TTC23: variants seen among roughly 807,000 people sequenced by gnomAD.
TTC23 encodes the protein tetratricopeptide repeat protein 23.
In TTC23, 58 loss-of-function variants were observed where a neutral mutation model predicts 55.1. The observed-to-expected ratio is 1.05, with a 90% CI of 0.85 to 1.31. TTC23 has a LOEUF of 1.31. TTC23 is among the 50% of genes most tolerant of loss of function. The pLI is 0.00. For missense variants in TTC23, 516 were observed against 534.4 expected, an observed-to-expected ratio of 0.97 and a Z score of 0.34; for synonymous variants, 203 against 199.9, an observed-to-expected ratio of 1.02 and a Z score of -0.13.
chr15:99,177,012 G>C (rs978868564), intron 9 of TTC23, among the ~76,000 whole-genome samples: 1 of 152,184 alleles, frequency 6.6e-6, no homozygotes, highest in Non-Finnish European at 1.5e-5. Flanking sequence ...TGGCACAGGA[G>C]ATCAAGTCAT....
chr15:99,182,839 A>C (rs2074283709), intron 9 of TTC23, among the ~76,000 whole-genome samples: 1 of 151,740 alleles, frequency 6.6e-6, no homozygotes, highest in Non-Finnish European at 1.5e-5. Flanking sequence ...AAAAAAAAAA[A>C]CCAGTAATCT....
intron 9 of TTC23, among the ~76,000 whole-genome samples, chr15:99,189,725 AGACT>A (rs2075062751): frequency 1.3e-5 from 2 of 152,370 alleles, no homozygotes; most frequent in Middle Eastern, 3.4e-3. Context: ...CATAAGAGAC[AGACT>A]GAGTGAGAAA....
chr15:99,231,997 G>T (rs1596967370), intron 4 of TTC23, among the ~76,000 whole-genome samples: 1 of 149,502 alleles, frequency 6.7e-6, no homozygotes, highest in South Asian at 2.1e-4. Flanking sequence ...TCTCCATGTT[G>T]GTCAGGCTGC....
intron 8 of TTC23, 119 bp downstream of exon 8, chr15:99,218,469 T>C: frequency 7.7e-7 from 1 of 1,303,264 alleles, no homozygotes; most frequent in Non-Finnish European, 1.1e-6. Context: ...TTTTACACAG[T>C]GACCTCCAGA....
At chr15:99,225,033 ATCATGGAATCCAG>A (rs1002503229) in intron 5 of TTC23, among the ~76,000 whole-genome samples, 2 of 152,208 alleles carry the variant, frequency 1.3e-5, no homozygotes, top group Admixed American at 1.3e-4. Context: ...TGATGACAAC[ATCATGGAATCCAG>A]ACAGACAAAA....
intron 9 of TTC23, among the ~76,000 whole-genome samples, chr15:99,183,772 A>G (rs1352196154): frequency 6.6e-6 from 1 of 152,176 alleles, no homozygotes; most frequent in African/African-American, 2.4e-5. Flanking sequence ...TGTCTGCAGA[A>G]ATTTGCATAA....
intron 9 of TTC23, among the ~76,000 whole-genome samples, chr15:99,182,246 TCTCACACACACACACACACA>T (rs1286699034): frequency 8.9e-6 from 1 of 112,724 alleles, no homozygotes; most frequent in African/African-American, 3.3e-5. Context: ...TCTCTCTCTC[TCTCACACACACACACACACA>T]CACACACACA....
intron 9 of TTC23, among the ~76,000 whole-genome samples, chr15:99,187,469 C>CAAAAAAAAAAAAAAAAAAAAAAAAAAAA (rs1451783999): frequency 9.0e-6 from 1 of 110,646 alleles, no homozygotes; most frequent in African/African-American, 3.5e-5. Flanking sequence ...AAAAAAAAAA[C>CAAAAAAAAAAAAAAAAAAAAAAAAAAAA]AAAACAAAAG....
intron 12 of TTC23, among the ~76,000 whole-genome samples, chr15:99,149,814 C>T (rs11247064): frequency 0.047 from 7,126 of 152,304 alleles, 257 homozygotes; most frequent in Non-Finnish European, 0.072. Flanking sequence ...AGTGAGTGTA[C>T]GGTGGGGCAC....
chr15:99,186,238 A>C (rs2074649121), intron 9 of TTC23, among the ~76,000 whole-genome samples: 1 of 152,216 alleles, frequency 6.6e-6, no homozygotes, highest in Non-Finnish European at 1.5e-5. Context: ...AGTGCATGGA[A>C]TATTTTGTAG....
chr15:99,190,020 A>T (rs1460008300), intron 9 of TTC23, among the ~76,000 whole-genome samples: 1 of 152,020 alleles, frequency 6.6e-6, no homozygotes, highest in Non-Finnish European at 1.5e-5. Flanking sequence ...CTACAAAAAA[A>T]ATATACAAAA....
intron 1 of TTC23, among the ~76,000 whole-genome samples, chr15:99,248,610 T>C (rs1209976666): frequency 6.6e-6 from 1 of 152,230 alleles, no homozygotes; most frequent in Non-Finnish European, 1.5e-5. Context: ...CTGAAGCACC[T>C]GTGCTCTACA....
At chr15:99,142,267 A>C (rs935760297) in intron 12 of TTC23, among the ~76,000 whole-genome samples, 5 of 152,210 alleles carry the variant, frequency 3.3e-5, no homozygotes, top group African/African-American at 1.2e-4. Flanking sequence ...AGAAAGGGCC[A>C]CAGAGCAAGA....
At chr15:99,159,663 G>A (rs966443895) in intron 11 of TTC23, 4 of 152,380 alleles carry the variant, frequency 2.6e-5, no homozygotes, top group Non-Finnish European at 4.4e-5. Flanking sequence ...GGAAATGTCA[G>A]TGGAGTCCAG....
At chr15:99,210,531 A>G (rs1035935047) in intron 8 of TTC23, among the ~76,000 whole-genome samples, 3 of 152,204 alleles carry the variant, frequency 2.0e-5, no homozygotes, top group Non-Finnish European at 4.4e-5. Flanking sequence ...CAGGAGAAAC[A>G]TGTCTGCTGG....
At chr15:99,211,220 C>CA (rs372228368) in intron 8 of TTC23, among the ~76,000 whole-genome samples, 3,716 of 151,996 alleles carry the variant, frequency 0.024, 167 homozygotes, top group African/African-American at 0.084. Context: ...ACTAAAAATA[C>CA]AAAAATTAGC....
At chr15:99,236,467 CTTT>C (rs869228713) in intron 3 of TTC23, among the ~76,000 whole-genome samples, 4 of 140,690 alleles carry the variant, frequency 2.8e-5, no homozygotes, top group Non-Finnish European at 4.7e-5. Flanking sequence ...CCTTTTCTCA[CTTT>C]TTTTTTTTTT....
chr15:99,137,751 G>C lies in TTC23; in HGVS notation c.*259C>G, dbSNP rs2067706848. On this transcript the variant is annotated 3_prime_UTR_variant, in exon 14 of 14. Coordinates refer to ENST00000394132, the MANE Select transcript of TTC23 (RefSeq NM_001288615.3). ...TTTTCAGCCACAGTAGTGCTGATGG[G>C]TAAAAATTCTTGTTGGCAAGAAAAA... 2.1e-6 allele frequency: 1 copy of C among 487,674 alleles called. No homozygotes were observed. The highest frequency in any genetic ancestry group is 2.8e-5 in the South Asian group (1 of 36,338). The allele number at this position is 487,674 out of a possible 1,614,324, so 30.2% of individuals were successfully genotyped here.
At position 99,203,396 on chromosome 15, in the gene TTC23, A is replaced by G. The variant is rs540536025; in HGVS notation, c.582-3300T>C. Among the ~76,000 whole-genome samples the G allele has an allele frequency of 1.8e-4, 27 of 152,294 alleles. No individual in the cohort carries two copies. The South Asian group carries it at 5.6e-3, about 32-fold the overall frequency. On this transcript the variant is annotated intron_variant, in intron 8 of 13. Coordinates refer to ENST00000394132, the MANE Select transcript of TTC23 (RefSeq NM_001288615.3). Reference sequence around the variant, plus strand: ...GGGGTGCATGTAAAATTTTGATATAAGCACACAAAGTTAATGATCGAATCA... The same window carrying G: ...GGGGTGCATGTAAAATTTTGATATAGGCACACAAAGTTAATGATCGAATCA...
Sources: gnomAD v4.1 joint callset for allele counts (sites outside exome capture counted in the v4.1 genomes callset) on GRCh38, gnomAD v4.1.1 for gene constraint, MANE v1.5 for transcripts, NCBI Gene and HGNC (gene_info 2026-07-23, HGNC 2026-07-21) for gene names.